ITCH: variants seen among roughly 807,000 people sequenced by gnomAD.
ITCH encodes the protein E3 ubiquitin-protein ligase Itchy homolog.
Under a neutral mutation model 126.8 loss-of-function variants are expected in ITCH, and 28 were observed. The observed-to-expected ratio is 0.22, with a 90% CI of 0.16 to 0.30. The LOEUF (loss-of-function observed/expected upper bound fraction) is 0.30. ITCH is among the 10% of genes least tolerant of loss of function. ITCH has a pLI of 1.00. For missense variants in ITCH, 631 were observed against 1,032.4 expected (o/e 0.61, Z 5.33); for synonymous variants, 342 against 340.0 (o/e 1.01, Z -0.06).
chr20:34,420,385 C>G (rs959744595), intron 6 of ITCH, among the ~76,000 whole-genome samples: 2 of 152,126 alleles, frequency 1.3e-5, no homozygotes, highest in Non-Finnish European at 2.9e-5. Context: ...GAGGTTCATC[C>G]AAGTTGTAGA....
chr20:34,456,876 C>G (rs1383277631), intron 12 of ITCH, among the ~76,000 whole-genome samples: 1 of 151,482 alleles, frequency 6.6e-6, no homozygotes, highest in Non-Finnish European at 1.5e-5. Flanking sequence ...GCCACCCCGC[C>G]TGGCACCTTA....
intron 2 of ITCH, among the ~76,000 whole-genome samples, chr20:34,373,057 C>T (rs938260965): frequency 3.3e-5 from 5 of 151,678 alleles, no homozygotes; most frequent in Admixed American, 2.6e-4. Context: ...TTACTGCAGC[C>T]TCCACCCACT....
intron 14 of ITCH, 28 bp downstream of exon 14, chr20:34,462,249 G>T (rs751750465): frequency 6.2e-7 from 1 of 1,606,908 alleles, no homozygotes; most frequent in Non-Finnish European, 8.5e-7. Context: ...TGTAGATTAA[G>T]AGTAAAATAC....
At chr20:34,402,510 C>T (rs2038922541) in intron 3 of ITCH, 1 of 755,338 alleles carries the variant, frequency 1.3e-6, no homozygotes, top group Non-Finnish European at 2.5e-6. Context: ...GATAACTCAG[C>T]AGTCATAATC....
At chr20:34,472,512 T>A (rs2146426661) in intron 16 of ITCH, among the ~76,000 whole-genome samples, 1 of 152,222 alleles carries the variant, frequency 6.6e-6, no homozygotes, top group African/African-American at 2.4e-5. Context: ...TGAAAAAATG[T>A]CTTAAAATGA....
At chr20:34,479,815 T>C (rs1226083126) in intron 18 of ITCH, 26 bp downstream of exon 18, 2 of 1,604,804 alleles carry the variant, frequency 1.2e-6, no homozygotes, top group East Asian at 2.2e-5. Flanking sequence ...GAATTATGTT[T>C]ACTTTGCTTA....
intron 3 of ITCH, among the ~76,000 whole-genome samples, chr20:34,405,015 T>A (rs2039009352): frequency 6.6e-6 from 1 of 151,860 alleles, no homozygotes; most frequent in Non-Finnish European, 1.5e-5. Context: ...GGCACGCACC[T>A]GTAGTCCCAG....
intron 3 of ITCH, among the ~76,000 whole-genome samples, chr20:34,400,932 T>C (rs961508852): frequency 2.6e-5 from 4 of 152,178 alleles, no homozygotes; most frequent in African/African-American, 9.7e-5. Context: ...TCACTTTTTG[T>C]ATTTTTAGTA....
At chr20:34,408,851 A>G (rs1978529554) in intron 4 of ITCH, 59 bp downstream of exon 4, 1 of 1,541,198 alleles carries the variant, frequency 6.5e-7, no homozygotes, top group Non-Finnish European at 8.9e-7. Flanking sequence ...TGGAAATACA[A>G]TTTAAAAAAA....
intron 2 of ITCH, among the ~76,000 whole-genome samples, chr20:34,382,600 G>T (rs2146026588): frequency 6.6e-6 from 1 of 151,992 alleles, no homozygotes; most frequent in East Asian, 1.9e-4. Flanking sequence ...TAGAGATGGG[G>T]TTTCACCATG....
intron 14 of ITCH, among the ~76,000 whole-genome samples, chr20:34,463,160 G>T (rs566526181): frequency 2.6e-5 from 4 of 152,198 alleles, no homozygotes; most frequent in African/African-American, 9.6e-5. Flanking sequence ...ATCAGGAGTT[G>T]GAGACCAGTC....
intron 11 of ITCH, among the ~76,000 whole-genome samples, chr20:34,446,380 A>C (rs972760101): frequency 2.0e-5 from 3 of 152,132 alleles, no homozygotes; most frequent in Non-Finnish European, 4.4e-5. Context: ...AACTAGGCAT[A>C]GTTTTATCCC....
chr20:34,369,351 A>AAAC (rs2122965487), intron 1 of ITCH, 43 bp from the exon 2 acceptor site: 1 of 398,732 alleles, frequency 2.5e-6, no homozygotes, highest in South Asian at 1.3e-4. Flanking sequence ...CAAACAAAAA[A>AAAC]ATATAGAAGT....
chr20:34,410,075 AAG>A (rs1245560807), intron 4 of ITCH, among the ~76,000 whole-genome samples: 1 of 151,986 alleles, frequency 6.6e-6, no homozygotes, highest in Admixed American at 6.6e-5. Flanking sequence ...AAAGAAGAAA[AAG>A]AATGATTTGG....
At chr20:34,398,455 A>G (rs1271724963) in intron 3 of ITCH, among the ~76,000 whole-genome samples, 4 of 151,298 alleles carry the variant, frequency 2.6e-5, no homozygotes, top group African/African-American at 4.9e-5. Context: ...CTGGAGTGCA[A>G]TGGCGTGATC....
chr20:34,510,162 T>C lies in ITCH; in HGVS notation c.*2368T>C, dbSNP rs1036541408. 5 of 152,584 alleles carry C rather than the reference T, an allele frequency of 3.3e-5. No homozygotes were observed. Among genetic ancestry groups the C allele is most frequent in the Admixed American group, 2.6e-4 (4 of 15,278 alleles). The allele number at this position is 152,584 out of a possible 1,614,324, so 9.5% of individuals were successfully genotyped here. A position where few individuals can be genotyped will look rare whatever the true frequency, so the allele number is the denominator to read the frequency against. Reference sequence around the variant, plus strand: ...TGCAGCCTGGGATCTCCCTACTCCATTTTTTCCTTTAATTTAAGTGGCCAC... The same window carrying C: ...TGCAGCCTGGGATCTCCCTACTCCACTTTTTCCTTTAATTTAAGTGGCCAC... On this transcript the variant is annotated 3_prime_UTR_variant, in exon 25 of 25. Transcript: ENST00000374864.
At chr20:34,491,571 T>A (rs1989514335) in intron 22 of ITCH, among the ~76,000 whole-genome samples, 1 of 118,460 alleles carries the variant, frequency 8.4e-6, no homozygotes, top group African/African-American at 2.8e-5. Flanking sequence ...TACAAAAATT[T>A]AAAAAATTAA....
rs535204996 is a variant in ITCH at position 34,481,915 on chromosome 20, G to T, written c.2093+709G>T. Among the ~76,000 whole-genome samples, 7 of 152,290 alleles carry T rather than the reference G, an allele frequency of 4.6e-5. No homozygotes were observed. The East Asian group carries it at 1.3e-3, about 29-fold the overall frequency. On this transcript the variant is annotated intron_variant, in intron 20 of 24. Coordinates refer to ENST00000374864, the MANE Select transcript of ITCH (RefSeq NM_031483.7). ...AATCCCAGCTACTAGGGAGGCTGAG[G>T]CAGGAGAATGGCTTGAACCTGGGAG...
chr20:34,453,202 C>T (rs184223676), intron 12 of ITCH, among the ~76,000 whole-genome samples: 407 of 152,322 alleles, frequency 2.7e-3, no homozygotes, highest in Non-Finnish European at 4.7e-3. Context: ...CAAGGCTGAT[C>T]TCAGCAGCAT....
Sources: allele counts gnomAD v4.1 joint callset (sites outside exome capture counted in the v4.1 genomes callset), GRCh38; gene constraint gnomAD v4.1.1; transcripts MANE v1.5; gene names NCBI Gene and HGNC (gene_info 2026-07-23, HGNC 2026-07-21).